The following MLLT10 variants were observed in gnomAD, a reference collection of about 807,000 sequenced individuals.
MLLT10 encodes MLLT10 histone lysine methyltransferase DOT1L cofactor, also known as protein AF-10.
Under a neutral mutation model 129.1 loss-of-function variants are expected in MLLT10, and 30 were observed. The ratio of observed to expected loss-of-function variants is 0.23; its 90% CI spans 0.17 to 0.32. MLLT10 has a LOEUF of 0.32. Among genes scored for constraint, MLLT10 ranks in the 10% least tolerant of loss-of-function variants. The probability of loss-of-function intolerance (pLI) is 1.00; values close to 1 mark genes in which losing one functional copy is unlikely to be tolerated. For missense variants in MLLT10, 1,119 were observed against 1,268.3 expected, an observed-to-expected ratio of 0.88 and a Z score of 1.79; for synonymous variants, 490 against 446.4, an observed-to-expected ratio of 1.10 and a Z score of -1.23.
At chr10:21,724,285 G>C (rs1375413803) in intron 14 of MLLT10, among the ~76,000 whole-genome samples, 3 of 152,216 alleles carry the variant, frequency 2.0e-5, no homozygotes, top group Non-Finnish European at 4.4e-5. Context: ...CCCAGAAACT[G>C]TTTCCGTGAA....
At chr10:21,729,610 C>A (rs1352391323) in intron 16 of MLLT10, among the ~76,000 whole-genome samples, 1 of 152,108 alleles carries the variant, frequency 6.6e-6, no homozygotes, top group African/African-American at 2.4e-5. Context: ...TGTTAGAAGA[C>A]CTGAGTTGTA....
chr10:21,649,590 A>T (rs916649578), intron 8 of MLLT10, among the ~76,000 whole-genome samples: 2 of 152,180 alleles, frequency 1.3e-5, no homozygotes, highest in African/African-American at 4.8e-5. Context: ...CTGGGTGTTC[A>T]GTGTTGGTCT....
chr10:21,699,235 C>CT (rs779156884), intron 13 of MLLT10, among the ~76,000 whole-genome samples: 4,479 of 137,552 alleles, frequency 0.033, 194 homozygotes, highest in African/African-American at 0.1. Flanking sequence ...TTAATGGTAT[C>CT]TTTTTTTTTT....
At chr10:21,600,464 T>C (rs923334081) in intron 5 of MLLT10, among the ~76,000 whole-genome samples, 11 of 152,158 alleles carry the variant, frequency 7.2e-5, no homozygotes, top group African/African-American at 2.7e-4. Context: ...TCCTGACTTA[T>C]GTTCATGAAA....
At position 21,673,449 on chromosome 10, in the gene MLLT10, A is replaced by T; in HGVS notation, c.1151A>T (p.Asn384Ile). 2 of 1,613,648 alleles carry T rather than the reference A, an allele frequency of 1.2e-6. No homozygotes were observed. The highest frequency in any genetic ancestry group is 1.7e-6 in the Non-Finnish European group (2 of 1,179,948). ...FLSFTDSDLR[N>I]DSYSHSQQSS... ...AGCTTTACAGACTCAGATCTGCGTA[A>T]TGACAGTTACTCTCACTCCCAACAG... Residue 384 changes from asparagine (N) to isoleucine (I), a missense_variant, in exon 11 of 23, where the codon AAT becomes ATT. Asn to Ile is a moderately radical substitution (Grantham distance 149, BLOSUM62 -3). This residue lies in a region of MLLT10 where 1,004 missense variants were observed against 1,008.7 expected (regional missense o/e 1.00). Transcript: ENST00000307729.
At chr10:21,547,719 A>T (rs1402557860) in intron 3 of MLLT10, among the ~76,000 whole-genome samples, 1 of 151,412 alleles carries the variant, frequency 6.6e-6, no homozygotes, top group African/African-American at 2.4e-5. Context: ...TTGTATTTTT[A>T]ATAGAGATGG....
chr10:21,629,178 G>A (rs953920369), intron 8 of MLLT10, among the ~76,000 whole-genome samples: 12 of 151,592 alleles, frequency 7.9e-5, no homozygotes, highest in Admixed American at 4.6e-4. Flanking sequence ...TTTCCCATAC[G>A]GACTGCTCTA....
chr10:21,600,404 G>T (rs959175907), intron 5 of MLLT10, among the ~76,000 whole-genome samples: 2 of 137,764 alleles, frequency 1.5e-5, no homozygotes, highest in African/African-American at 6.3e-5. Flanking sequence ...CACACACACA[G>T]TTAATTGAAA....
chr10:21,538,035 CTG>C lies in MLLT10; in HGVS notation c.161-796_161-795del, dbSNP rs1470615594. Among the ~76,000 whole-genome samples the C allele has an allele frequency of 2.0e-5, 3 of 151,272 alleles. No homozygotes were observed. The South Asian group carries it at 6.3e-4, about 32-fold the overall frequency. Reference sequence around the variant, plus strand: ...TTTTTTTTTGAGATAGGGTCTCCCTCTGTTGCCCAGGCTGGAGCACAGTGGTG... The same window carrying C: ...TTTTTTTTTGAGATAGGGTCTCCCTCTTGCCCAGGCTGGAGCACAGTGGTG... On this transcript the variant is annotated intron_variant, in intron 2 of 22. Transcript: ENST00000307729.
chr10:21,683,732 T>G lies in MLLT10; in HGVS notation c.1699+1475T>G, dbSNP rs7097783. ...CCAACAGTTAGCTTTTCTTTCGAAA[T>G]TTTTTGTGTTTGGGGTTTTGTTTTT... On this transcript the variant is annotated intron_variant, in intron 13 of 22. Transcript: ENST00000307729. Among the ~76,000 whole-genome samples, 1,347 of 151,510 alleles carry G rather than the reference T, an allele frequency of 8.9e-3. 12 individuals carry two copies. Among genetic ancestry groups the G allele is most frequent in the African/African-American group, 0.031 (1,270 of 41,484 alleles).
At chr10:21,741,477 A>G (rs1220475869) in intron 22 of MLLT10, among the ~76,000 whole-genome samples, 1 of 152,180 alleles carries the variant, frequency 6.6e-6, no homozygotes, top group African/African-American at 2.4e-5. Context: ...TCCTTGCAAG[A>G]TACAGTGACA....
At chr10:21,738,124 C>T (rs909030014) in intron 21 of MLLT10, among the ~76,000 whole-genome samples, 6 of 151,910 alleles carry the variant, frequency 3.9e-5, no homozygotes, top group East Asian at 1.9e-4. Flanking sequence ...AAAAATTAGC[C>T]GGGTGTGGTG....
At chr10:21,647,858 GTC>G (rs1385323288) in intron 8 of MLLT10, among the ~76,000 whole-genome samples, 1 of 151,668 alleles carries the variant, frequency 6.6e-6, no homozygotes, top group Non-Finnish European at 1.5e-5. Flanking sequence ...GCATAGCTAA[GTC>G]TGTGTTTTCC....
intron 14 of MLLT10, 117 bp from the exon 15 acceptor site, chr10:21,726,127 A>G: frequency 1.4e-6 from 1 of 698,858 alleles, no homozygotes; most frequent in Non-Finnish European, 2.3e-6. Context: ...TCAGAAGGTC[A>G]CAAATTTTGC....
At chr10:21,625,379 TC>T in intron 8 of MLLT10, 1 of 788,434 alleles carries the variant, frequency 1.3e-6, no homozygotes, top group Non-Finnish European at 2.2e-6. Flanking sequence ...TTCTCCAAAT[TC>T]AGAAAATGAC....
intron 14 of MLLT10, among the ~76,000 whole-genome samples, chr10:21,715,427 A>T (rs1328438383): frequency 1.3e-5 from 2 of 152,216 alleles, no homozygotes; most frequent in Admixed American, 6.5e-5. Flanking sequence ...AAAGTGAGGT[A>T]GCCATAACAG....
chr10:21,553,654 T>TA (rs2037441413), intron 3 of MLLT10, among the ~76,000 whole-genome samples: 1 of 150,978 alleles, frequency 6.6e-6, no homozygotes, highest in South Asian at 2.1e-4. Flanking sequence ...CCTTTTCCTT[T>TA]TCTTTTTTTT....
chr10:21,560,519 G>A (rs2038668312), intron 3 of MLLT10, among the ~76,000 whole-genome samples: 1 of 152,032 alleles, frequency 6.6e-6, no homozygotes, highest in Admixed American at 6.6e-5. Context: ...TCACTGGAGC[G>A]TCAACCTCCT....
At chr10:21,734,815 T>C (rs1017274715) in intron 20 of MLLT10, among the ~76,000 whole-genome samples, 1 of 152,226 alleles carries the variant, frequency 6.6e-6, no homozygotes, top group Non-Finnish European at 1.5e-5. Context: ...GTGAGTTAAA[T>C]TATCCTTGAA....
Sources: allele counts gnomAD v4.1 joint callset (sites outside exome capture counted in the v4.1 genomes callset), GRCh38; gene constraint gnomAD v4.1.1; regional missense constraint gnomAD v4.1.1; transcripts MANE v1.5; gene names NCBI Gene and HGNC (gene_info 2026-07-23, HGNC 2026-07-21).